The following VCAM1 variants were observed in gnomAD, a reference collection of about 807,000 sequenced individuals.
VCAM1 encodes the protein vascular cell adhesion protein 1.
Under a neutral mutation model 63.8 loss-of-function variants are expected in VCAM1, and 41 were observed. The observed-to-expected ratio is 0.64, with a 90% confidence interval of 0.50 to 0.83. VCAM1 has a LOEUF of 0.83. Ranked by LOEUF, VCAM1 falls within the 40% of genes least tolerant of loss-of-function variation. The pLI is 0.00. For synonymous variants in VCAM1, 338 were observed against 320.7 expected (o/e 1.05, Z -0.58); for missense variants, 798 against 875.5 (o/e 0.91, Z 1.12).
chr1:100,730,179 A>T (rs3917055), intron 5 of VCAM1, among the ~76,000 whole-genome samples: 1,753 of 152,118 alleles, frequency 0.012, 36 homozygotes, highest in African/African-American at 0.04. Context: ...CCCTGCCCAA[A>T]CTTGTGTTAC....
chr1:100,733,303 A>T (rs574222515), intron 7 of VCAM1, among the ~76,000 whole-genome samples: 4 of 152,124 alleles, frequency 2.6e-5, no homozygotes, highest in Admixed American at 6.5e-5. Flanking sequence ...TATGAGCAAA[A>T]TCATCAGGTG....
intron 4 of VCAM1, among the ~76,000 whole-genome samples, chr1:100,725,283 G>T (rs1293321288): frequency 4.6e-5 from 7 of 151,664 alleles, no homozygotes; most frequent in African/African-American, 1.7e-4. Context: ...ATTCCATGCT[G>T]TTAAATCCTG....
Position 100,738,106 on chromosome 1 carries a change from A to C in VCAM1, c.2060-17A>C, listed in dbSNP as rs775069072. 2.8e-5 allele frequency: 45 copies of C among 1,610,728 alleles called. No homozygotes were observed. The South Asian group carries it at 4.7e-4, about 17-fold the overall frequency. On this transcript the variant is annotated splice_polypyrimidine_tract_variant and intron_variant, in intron 8 of 8. Coordinates refer to ENST00000294728, the MANE Select transcript of VCAM1 (RefSeq NM_001078.4). ...TTTGTACTAGACATTAATTGCATCC[A>C]TTTTGTTATTTTCCAGGAAGAGAAA...
Position 100,731,304 on chromosome 1 carries a change from G to C in VCAM1, c.1311G>C (p.Glu437Asp). 6.2e-7 allele frequency: 1 copy of C among 1,613,888 alleles called. No individual in the cohort carries two copies. Among genetic ancestry groups the C allele is most frequent in the South Asian group, 1.1e-5 (1 of 91,080 alleles). The change falls in exon 6 of 9, where the codon GAG becomes GAC. Residue 437 changes from glutamate (E) to aspartate (D), a missense_variant. Coordinates refer to ENST00000294728, the MANE Select transcript of VCAM1 (RefSeq NM_001078.4). This position sits in a 1 kb window ranked among gnomAD's most constrained non-coding sequence, Gnocchi z 4.2. ...VPSVYPLDRLEIELLKGETIL... is the reference protein window; with the variant it reads ...VPSVYPLDRLDIELLKGETIL... ...GCGTGTACCCCCTTGACCGGCTGGA[G>C]ATTGAATTACTTAAGGGGGAGACTA...
Position 100,731,139 on chromosome 1 carries a change from T to C in VCAM1, c.1205-59T>C. On this transcript the variant is annotated intron_variant, in intron 5 of 8. Coordinates refer to ENST00000294728, the MANE Select transcript of VCAM1 (RefSeq NM_001078.4). This position sits in a 1 kb window ranked among gnomAD's most constrained non-coding sequence, Gnocchi z 4.2. ...TTTAGGCCTTTACATTTAATAAAGC[T>C]TAGCTCAATTTTTCCTTGAATATCA... 1 of 1,515,770 alleles carries C rather than the reference T, an allele frequency of 6.6e-7. No homozygotes were observed. The highest frequency in any genetic ancestry group is 8.8e-7 in the Non-Finnish European group (1 of 1,132,206). The allele number at this position is 1,515,770 out of a possible 1,614,324, so 93.9% of individuals were successfully genotyped here.
Position 100,723,206 on chromosome 1 carries a change from A to G in VCAM1, c.527A>G (p.Lys176Arg). 1 of 1,613,184 alleles carries G rather than the reference A, an allele frequency of 6.2e-7. No individual in the cohort carries two copies. Among genetic ancestry groups the G allele is most frequent in the East Asian group, 2.2e-5 (1 of 44,840 alleles). ...GCAGACAGGAAGTCCCTGGAAACCAAGAGTTTGGAAGTAACCTTTACTCCT... is the reference window on the plus strand; with the variant it reads ...GCAGACAGGAAGTCCCTGGAAACCAGGAGTTTGGAAGTAACCTTTACTCCT... ...EDADRKSLET[K>R]SLEVTFTPVI... The change falls in exon 3 of 9, where the codon AAG becomes AGG. Residue 176 changes from lysine (K) to arginine (R), a missense_variant. Lys to Arg is a conservative substitution (Grantham distance 26). Transcript: ENST00000294728.
intron 6 of VCAM1, 29 bp from the exon 7 acceptor site, chr1:100,732,389 C>A: frequency 6.6e-7 from 1 of 1,515,648 alleles, no homozygotes; most frequent in South Asian, 1.3e-5. Flanking sequence ...CATAATAGGT[C>A]AAGCTAACAA....
intron 4 of VCAM1, among the ~76,000 whole-genome samples, chr1:100,728,677 A>G (rs1365535786): frequency 6.6e-6 from 1 of 151,176 alleles, no homozygotes; most frequent in Non-Finnish European, 1.5e-5. Context: ...AAGAAAGAAT[A>G]GTACTAGTGT....
rs1660477891 is a variant in VCAM1, at chr1:100,731,948, A to G, written c.1525+430A>G. Among the ~76,000 whole-genome samples the G allele has an allele frequency of 6.6e-6, 1 of 152,158 alleles. No individual in the cohort carries two copies. The highest frequency in any genetic ancestry group is 2.4e-5 in the African/African-American group (1 of 41,436). Reference sequence around the variant, plus strand: ...ACTCTCCAGAGCTCAGTGTTTCAAGAAGGTGTAAATGAAAGCAGCCTCTTC... The same window carrying G: ...ACTCTCCAGAGCTCAGTGTTTCAAGGAGGTGTAAATGAAAGCAGCCTCTTC... On this transcript the variant is annotated intron_variant, in intron 6 of 8. Coordinates refer to ENST00000294728, the MANE Select transcript of VCAM1 (RefSeq NM_001078.4). The surrounding 1 kb of genome is among the most constrained non-coding windows in gnomAD (Gnocchi z 4.2).
intron 1 of VCAM1, 30 bp downstream of exon 1, chr1:100,719,954 T>C: frequency 6.2e-7 from 1 of 1,601,278 alleles, no homozygotes; most frequent in South Asian, 1.1e-5. Flanking sequence ...CTGTTTCAAA[T>C]GTTAGCATTC....
chr1:100,724,737 A>C lies in VCAM1; in HGVS notation c.775A>C (p.Ser259Arg). The change falls in exon 4 of 9, where the codon AGT (serine) becomes CGT (arginine). Residue 259 changes from serine to arginine, a missense_variant. By Grantham distance (110) the Ser-to-Arg change is moderately radical. Transcript: ENST00000294728. ...TCTACCAGCTCCAGAGATTTTCTGG[A>C]GTAAGAAATTAGATAATGGGAATCT... ...EGLPAPEIFW[S>R]KKLDNGNLQH... 1 of 1,613,066 alleles carries C rather than the reference A, an allele frequency of 6.2e-7. No individual in the cohort carries two copies. The highest frequency in any genetic ancestry group is 8.5e-7 in the Non-Finnish European group (1 of 1,179,466).
At position 100,731,246 on chromosome 1, in the gene VCAM1, G is replaced by A; in HGVS notation, c.1253G>A (p.Gly418Glu). 6.2e-7 allele frequency: 1 copy of A among 1,613,326 alleles called. No individual in the cohort carries two copies. The highest frequency in any genetic ancestry group is 8.5e-7 in the Non-Finnish European group (1 of 1,179,604). ...GAGATGAGTGGTGGCCTCGTGAATG[G>A]GAGCTCTGTCACTGTAAGCTGCAAG... is the stretch of plus-strand genomic sequence containing the variant. ...EIEMSGGLVN[G>E]SSVTVSCKVP... The change falls in exon 6 of 9, where the codon GGG (glycine) becomes GAG (glutamate). Residue 418 changes from glycine (G) to glutamate (E), a missense_variant. Transcript: ENST00000294728. The surrounding 1 kb of genome is among the most constrained non-coding windows in gnomAD (Gnocchi z 4.2).
rs1660446377 is a variant in VCAM1 at position 100,731,319 on chromosome 1, G to T, written c.1326G>T (p.Lys442Asn). The T allele has an allele frequency of 6.2e-7, 1 of 1,613,822 alleles. No homozygotes were observed. The highest frequency in any genetic ancestry group is 8.5e-7 in the Non-Finnish European group (1 of 1,179,848). ...ACCGGCTGGAGATTGAATTACTTAA[G>T]GGGGAGACTATTCTGGAGAATATAG... Reference protein sequence around the residue: ...PLDRLEIELLKGETILENIEF... With the variant: ...PLDRLEIELLNGETILENIEF... The change falls in exon 6 of 9, where the codon AAG (lysine) becomes AAT (asparagine). Residue 442 changes from lysine to asparagine, a missense_variant. By Grantham distance (94) the Lys-to-Asn change is moderately conservative. Transcript: ENST00000294728. The surrounding 1 kb of genome is among the most constrained non-coding windows in gnomAD (Gnocchi z 4.2).
At chr1:100,727,043 CTGTGTGTGTG>C (rs57979614) in intron 4 of VCAM1, among the ~76,000 whole-genome samples, 22 of 147,702 alleles carry the variant, frequency 1.5e-4, no homozygotes, top group Admixed American at 2.7e-4. Context: ...ATCAGGAATT[CTGTGTGTGTG>C]TGTGTGTGTG....
rs764057609 is a variant in VCAM1 at position 100,731,249 on chromosome 1, G to C, written c.1256G>C (p.Ser419Thr). Reference protein sequence around the residue: ...IEMSGGLVNGSSVTVSCKVPS... With the variant: ...IEMSGGLVNGTSVTVSCKVPS... ...ATGAGTGGTGGCCTCGTGAATGGGAGCTCTGTCACTGTAAGCTGCAAGGTT... is the reference window on the plus strand; with the variant it reads ...ATGAGTGGTGGCCTCGTGAATGGGACCTCTGTCACTGTAAGCTGCAAGGTT... Residue 419 changes from serine (S) to threonine (T), a missense_variant, in exon 6 of 9, where the codon AGC (serine) becomes ACC (threonine). Coordinates refer to ENST00000294728, the MANE Select transcript of VCAM1 (RefSeq NM_001078.4). This position sits in a 1 kb window ranked among gnomAD's most constrained non-coding sequence, Gnocchi z 4.2. 1 of 1,613,478 alleles carries C rather than the reference G, an allele frequency of 6.2e-7. No homozygotes were observed. Among genetic ancestry groups the C allele is most frequent in the South Asian group, 1.1e-5 (1 of 91,026 alleles).
rs751365395 is a variant in VCAM1, at chr1:100,734,782, G to A, written c.2059+14G>A. On this transcript the variant is annotated intron_variant, in intron 8 of 8. Coordinates refer to ENST00000294728, the MANE Select transcript of VCAM1 (RefSeq NM_001078.4). ...TTGATGTTCAAGGTGAGTTTGTTTTGAGTTTTTGTTTTCTTGGTAATAGTT... is the reference window on the plus strand; with the variant it reads ...TTGATGTTCAAGGTGAGTTTGTTTTAAGTTTTTGTTTTCTTGGTAATAGTT... 2 of 1,610,962 alleles carry A rather than the reference G, an allele frequency of 1.2e-6. No individual in the cohort carries two copies. Among genetic ancestry groups the A allele is most frequent in the Non-Finnish European group, 1.7e-6 (2 of 1,178,544 alleles).
chr1:100,734,670 C>G lies in VCAM1; in HGVS notation c.1961C>G (p.Thr654Ser). 1 of 1,613,944 alleles carries G rather than the reference C, an allele frequency of 6.2e-7. No individual in the cohort carries two copies. Among genetic ancestry groups the G allele is most frequent in the Non-Finnish European group, 8.5e-7 (1 of 1,179,918 alleles). Residue 654 changes from threonine to serine, a missense_variant, in exon 8 of 9, where the codon ACC (threonine) becomes AGC (serine). By Grantham distance (58) the Thr-to-Ser change is moderately conservative. Transcript: ENST00000294728. The stretch of plus-strand genomic sequence containing the variant: ...CTAAAATCTATAGATGGCGCCTATA[C>G]CATCCGAAAGGCCCAGTTGAAGGAT... The part of the protein sequence containing the change: ...TVLKSIDGAY[T>S]IRKAQLKDAG...
At chr1:100,737,940 C>G (rs1488688948) in intron 8 of VCAM1, 183 bp from the exon 9 acceptor site, 3 of 595,856 alleles carry the variant, frequency 5.0e-6, no homozygotes, top group Non-Finnish European at 8.6e-6. Context: ...ATAGCAACCA[C>G]CAACTGATTA....
intron 3 of VCAM1, 55 bp from the exon 4 acceptor site, chr1:100,724,569 C>T (rs1313136341): frequency 6.4e-7 from 1 of 1,573,782 alleles, no homozygotes; most frequent in Non-Finnish European, 8.6e-7. Flanking sequence ...TACATTACCT[C>T]TGTTGCACTG....
Sources: allele counts gnomAD v4.1 joint callset (sites outside exome capture counted in the v4.1 genomes callset), GRCh38; gene constraint gnomAD v4.1.1; non-coding constraint Gnocchi (gnomAD v3.1); transcripts MANE v1.5; gene names NCBI Gene and HGNC (gene_info 2026-07-23, HGNC 2026-07-21).